PRKRIP1: variants seen among roughly 807,000 people sequenced by gnomAD.
PRKRIP1 encodes PRKR interacting protein 1.
Under a neutral mutation model 29.3 loss-of-function variants are expected in PRKRIP1, and 29 were observed. The ratio of observed to expected loss-of-function variants is 0.99; its 90% CI spans 0.74 to 1.35. PRKRIP1 has a LOEUF of 1.35. Among genes scored for constraint, PRKRIP1 ranks in the 40% most tolerant of loss-of-function variants. PRKRIP1 has a pLI of 0.00. For missense variants in PRKRIP1, 247 were observed against 236.8 expected, an observed-to-expected ratio of 1.04 and a Z score of -0.28; for synonymous variants, 90 against 85.1, an observed-to-expected ratio of 1.06 and a Z score of -0.32.
intron 2 of PRKRIP1, among the ~76,000 whole-genome samples, chr7:102,399,238 A>G (rs1796001530): frequency 6.6e-6 from 1 of 152,232 alleles, no homozygotes; most frequent in Non-Finnish European, 1.5e-5. Flanking sequence ...TTTTCAACTC[A>G]CTAGAAATTT....
intron 4 of PRKRIP1, 95 bp from the exon 5 acceptor site, chr7:102,407,339 C>T: frequency 1.4e-6 from 1 of 702,274 alleles, no homozygotes; most frequent in South Asian, 1.8e-5. Flanking sequence ...TTGTGTTATT[C>T]CGCAGGTTTT....
Position 102,425,182 on chromosome 7 carries a change from C to T in PRKRIP1, c.*71C>T, listed in dbSNP as rs782123516. 9.7e-6 allele frequency: 15 copies of T among 1,548,630 alleles called. No homozygotes were observed. The highest frequency in any genetic ancestry group is 1.9e-5 in the Admixed American group (1 of 51,802). ...CCAGAAGGGAAAGGCGGCTGTTTGG[C>T]TCTTTCTCCCCCGCAAGGACCCGCT... On this transcript the variant is annotated 3_prime_UTR_variant, in exon 6 of 6. Transcript: ENST00000397912.
Position 102,404,642 on chromosome 7 carries a change from A to C in PRKRIP1, c.351A>C (p.Lys117Asn). 6.2e-7 allele frequency: 1 copy of C among 1,613,958 alleles called. No homozygotes were observed. The highest frequency in any genetic ancestry group is 8.5e-7 in the Non-Finnish European group (1 of 1,179,928). Reference sequence around the variant, plus strand: ...TTCAGAAAAGACTGGAAAAGAATAAAATTGCTGCAGAGGAGCAGACCGCAA... The same window carrying C: ...TTCAGAAAAGACTGGAAAAGAATAACATTGCTGCAGAGGAGCAGACCGCAA... The part of the protein sequence containing the change: ...AEFQKRLEKN[K>N]IAAEEQTAKR... Residue 117 changes from lysine to asparagine, a missense_variant, in exon 4 of 6, where the codon AAA becomes AAC. This residue lies in a region of PRKRIP1 where 134 missense variants were observed against 126.6 expected (regional missense o/e 1.06). Transcript: ENST00000397912.
In PRKRIP1 at chr7:102,425,333, G is replaced by A. The variant is rs574776985; in HGVS notation, c.*222G>A. Reference sequence around the variant, plus strand: ...AGGCACTGCCTTGCAGACACCATCCGTGCTCCTGGTAAAGGGGGACAGAGA... The same window carrying A: ...AGGCACTGCCTTGCAGACACCATCCATGCTCCTGGTAAAGGGGGACAGAGA... On this transcript the variant is annotated 3_prime_UTR_variant, in exon 6 of 6. Transcript: ENST00000397912. The A allele has an allele frequency of 1.3e-4, 107 of 813,816 alleles. No homozygotes were observed. The African/African-American group carries it at 1.6e-3, about 12-fold the overall frequency. The allele number at this position is 813,816 out of a possible 1,614,324, so 50.4% of individuals were successfully genotyped here.
chr7:102,404,864 T>G (rs1020723769), intron 4 of PRKRIP1, among the ~76,000 whole-genome samples, 181 bp downstream of exon 4: 2 of 152,068 alleles, frequency 1.3e-5, no homozygotes, highest in Non-Finnish European at 2.9e-5. Flanking sequence ...GGTTACAGAT[T>G]GTCCAGAGCT....
intron 4 of PRKRIP1, among the ~76,000 whole-genome samples, chr7:102,406,524 A>G (rs1554571848): frequency 6.6e-6 from 1 of 152,104 alleles, no homozygotes; most frequent in African/African-American, 2.4e-5. Context: ...GTTTGCTTCA[A>G]ATGCTGAATG....
Position 102,396,377 on chromosome 7 carries a change from A to C in PRKRIP1, c.-35A>C, listed in dbSNP as rs540356585. ...GCTGTGTCGTCATACTTGCGCGCCG[A>C]CGCCGCCGCTCGCTTGTGAAACTGG... On this transcript the variant is annotated 5_prime_UTR_variant, in exon 1 of 6. Coordinates refer to ENST00000397912, the MANE Select transcript of PRKRIP1 (RefSeq NM_024653.4). 4.0e-5 allele frequency: 60 copies of C among 1,496,034 alleles called. No individual in the cohort carries two copies. The East Asian group carries it at 4.6e-4, about 11-fold the overall frequency. The allele number at this position is 1,496,034 out of a possible 1,614,324, so 92.7% of individuals were successfully genotyped here.
chr7:102,419,478 C>T (rs1050862239), intron 5 of PRKRIP1, among the ~76,000 whole-genome samples: 5 of 152,092 alleles, frequency 3.3e-5, no homozygotes, highest in Non-Finnish European at 7.4e-5. Flanking sequence ...TTTTGTCAAA[C>T]GCATAGTACC....
chr7:102,421,996 A>G, intron 5 of PRKRIP1, among the ~76,000 whole-genome samples: 1 of 152,072 alleles, frequency 6.6e-6, no homozygotes, highest in East Asian at 1.9e-4. Flanking sequence ...TTATGTGTGA[A>G]TAAGTGTAGG....
intron 1 of PRKRIP1, 59 bp from the exon 2 acceptor site, chr7:102,397,561 A>T: frequency 1.5e-6 from 2 of 1,327,792 alleles, no homozygotes; most frequent in East Asian, 4.7e-5. Flanking sequence ...AAAGAGAGGG[A>T]GATATATAAT....
At chr7:102,415,700 T>C (rs1554573009) in intron 5 of PRKRIP1, among the ~76,000 whole-genome samples, 12 of 152,244 alleles carry the variant, frequency 7.9e-5, no homozygotes. Flanking sequence ...TCAGTGGTGC[T>C]GTTATCCCCA....
At chr7:102,416,240 T>C (rs925454488) in intron 5 of PRKRIP1, among the ~76,000 whole-genome samples, 1 of 152,216 alleles carries the variant, frequency 6.6e-6, no homozygotes, top group Non-Finnish European at 1.5e-5. Flanking sequence ...AGAATGACTT[T>C]AGATTCACAG....
chr7:102,414,221 G>A (rs1554572815), intron 5 of PRKRIP1, among the ~76,000 whole-genome samples: 4 of 149,958 alleles, frequency 2.7e-5, no homozygotes, highest in Admixed American at 2.0e-4. Context: ...GTGAGATTCT[G>A]TCTCAAAAAA....
intron 1 of PRKRIP1, 29 bp downstream of exon 1, chr7:102,396,566 G>C: frequency 2.5e-6 from 4 of 1,595,636 alleles, no homozygotes; most frequent in Non-Finnish European, 3.4e-6. Context: ...TCCACGGCCC[G>C]TCCGAGGCCC....
intron 5 of PRKRIP1, 46 bp from the exon 6 acceptor site, chr7:102,424,968 C>G (rs372824265): frequency 1.9e-6 from 3 of 1,591,450 alleles, no homozygotes; most frequent in Non-Finnish European, 2.6e-6. Flanking sequence ...ACCCTTGACC[C>G]TGAACGATTT....
intron 5 of PRKRIP1, among the ~76,000 whole-genome samples, chr7:102,419,252 A>G (rs1554573473): frequency 6.6e-6 from 1 of 151,956 alleles, no homozygotes; most frequent in Non-Finnish European, 1.5e-5. Context: ...CATCTCTACT[A>G]AAAACACAGA....
chr7:102,398,465 A>G (rs1795977198), intron 2 of PRKRIP1, among the ~76,000 whole-genome samples: 1 of 151,790 alleles, frequency 6.6e-6, no homozygotes, highest in Non-Finnish European at 1.5e-5. Context: ...TTTTATTTTT[A>G]GTAGAGACTG....
At chr7:102,396,958 C>T (rs1554570472) in intron 1 of PRKRIP1, among the ~76,000 whole-genome samples, 1 of 152,064 alleles carries the variant, frequency 6.6e-6, no homozygotes, top group East Asian at 1.9e-4. Flanking sequence ...GCCTCGGTCC[C>T]CTCAATCATA....
chr7:102,410,063 G>A (rs969223165), intron 5 of PRKRIP1, among the ~76,000 whole-genome samples: 7 of 152,096 alleles, frequency 4.6e-5, no homozygotes, highest in African/African-American at 1.4e-4. Flanking sequence ...TTGAACCACC[G>A]CATCTCCCAG....
Sources: gnomAD v4.1 joint callset for allele counts (sites outside exome capture counted in the v4.1 genomes callset) on GRCh38, gnomAD v4.1.1 for gene constraint, gnomAD v4.1.1 regional missense constraint, MANE v1.5 for transcripts, NCBI Gene and HGNC (gene_info 2026-07-23, HGNC 2026-07-21) for gene names.